Variants in NEGR1 observed in about 807,000 individuals in gnomAD.
NEGR1 encodes neuronal growth regulator 1, also known as IgLON family member 4.
In NEGR1, 10 loss-of-function variants were observed where a neutral mutation model predicts 40.9. The ratio of observed to expected loss-of-function variants is 0.24; its 90% CI spans 0.15 to 0.42. The LOEUF (loss-of-function observed/expected upper bound fraction) is 0.42. NEGR1 is among the 10% of genes least tolerant of loss of function. NEGR1 has a pLI of 1.00. For missense variants in NEGR1, 352 were observed against 438.9 expected (o/e 0.80, Z 1.77); for synonymous variants, 185 against 166.8 (o/e 1.11, Z -0.84).
intron 3 of NEGR1, among the ~76,000 whole-genome samples, chr1:71,734,642 T>G (rs1421342721): frequency 6.6e-6 from 1 of 152,144 alleles, no homozygotes; most frequent in Admixed American, 6.6e-5. Flanking sequence ...ATCTTTCTTT[T>G]TCTCCTTATT....
chr1:72,025,255 A>G (rs755262769), intron 1 of NEGR1, among the ~76,000 whole-genome samples: 2 of 152,152 alleles, frequency 1.3e-5, no homozygotes, highest in Non-Finnish European at 2.9e-5. Context: ...AAAAAATAAT[A>G]TTTCCGAGAA....
At chr1:72,057,811 A>T (rs1362219490) in intron 1 of NEGR1, among the ~76,000 whole-genome samples, 1 of 151,378 alleles carries the variant, frequency 6.6e-6, no homozygotes, top group Non-Finnish European at 1.5e-5. Context: ...CTGTGTTCTC[A>T]CATGGCAGAG....
chr1:71,465,398 G>A (rs1036233019), intron 6 of NEGR1, among the ~76,000 whole-genome samples: 2 of 152,108 alleles, frequency 1.3e-5, no homozygotes, highest in Admixed American at 1.3e-4. Context: ...GCAATCTGCA[G>A]ACAACTTGTT....
intron 1 of NEGR1, among the ~76,000 whole-genome samples, chr1:72,190,831 G>T (rs767280191): frequency 2.6e-5 from 4 of 151,358 alleles, no homozygotes; most frequent in African/African-American, 7.3e-5. Flanking sequence ...AATAATTTTT[G>T]ATATGTATGC....
intron 1 of NEGR1, among the ~76,000 whole-genome samples, chr1:72,114,188 A>T (rs1339610536): frequency 6.6e-6 from 1 of 151,582 alleles, no homozygotes; most frequent in African/African-American, 2.4e-5. Context: ...GATGAGATTA[A>T]CATTTAAATC....
At chr1:71,528,538 C>G (rs181285338) in intron 6 of NEGR1, among the ~76,000 whole-genome samples, 1 of 151,196 alleles carries the variant, frequency 6.6e-6, no homozygotes, top group Admixed American at 6.6e-5. Context: ...TCCTTTTTAA[C>G]AAAATACAGT....
intron 1 of NEGR1, among the ~76,000 whole-genome samples, chr1:72,049,177 T>C (rs1048293376): frequency 6.6e-6 from 1 of 151,058 alleles, no homozygotes; most frequent in Non-Finnish European, 1.5e-5. Context: ...AAATAAATAA[T>C]AATAATGCAA....
intron 4 of NEGR1, among the ~76,000 whole-genome samples, chr1:71,639,872 C>A (rs569835440): frequency 1.3e-5 from 2 of 152,132 alleles, no homozygotes; most frequent in South Asian, 4.1e-4. Context: ...TCAGGACTTA[C>A]AAGGAGAAAA....
At chr1:71,866,127 G>A (rs1297687328) in intron 2 of NEGR1, among the ~76,000 whole-genome samples, 3 of 151,746 alleles carry the variant, frequency 2.0e-5, no homozygotes, top group African/African-American at 7.3e-5. Context: ...TTTACTTAAA[G>A]GAAATAATAA....
intron 1 of NEGR1, among the ~76,000 whole-genome samples, chr1:72,061,832 C>T (rs980345430): frequency 2.6e-5 from 4 of 151,774 alleles, no homozygotes; most frequent in Non-Finnish European, 5.9e-5. Flanking sequence ...AAAGTCACTC[C>T]ATTATGCCAC....
intron 1 of NEGR1, among the ~76,000 whole-genome samples, chr1:72,261,879 C>T (rs550869303): frequency 1.3e-5 from 2 of 151,798 alleles, no homozygotes; most frequent in Admixed American, 1.3e-4. Context: ...AGGGTAGGAC[C>T]AGGTGAGGGA....
chr1:72,255,795 C>T (rs1318854739), intron 1 of NEGR1, among the ~76,000 whole-genome samples: 15 of 152,146 alleles, frequency 9.9e-5, no homozygotes, highest in Non-Finnish European at 1.9e-4. Context: ...GTGATCCACA[C>T]GCCTTGGCCT....
At chr1:71,625,365 G>C (rs944475967) in intron 4 of NEGR1, among the ~76,000 whole-genome samples, 5 of 151,034 alleles carry the variant, frequency 3.3e-5, no homozygotes, top group African/African-American at 1.2e-4. Flanking sequence ...AACCAAAGAG[G>C]GCTTAAAAAT....
At chr1:72,126,818 C>T (rs1214504611) in intron 1 of NEGR1, among the ~76,000 whole-genome samples, 2 of 152,122 alleles carry the variant, frequency 1.3e-5, no homozygotes, top group African/African-American at 2.4e-5. Context: ...TAAGATGATC[C>T]CAAAAGGCCC....
intron 2 of NEGR1, among the ~76,000 whole-genome samples, chr1:71,916,985 G>A (rs1470165174): frequency 1.3e-5 from 2 of 152,172 alleles, no homozygotes; most frequent in African/African-American, 4.8e-5. Context: ...AAAAGAGAAA[G>A]GCAGAGGTCA....
At chr1:71,884,494 C>A (rs1264130395) in intron 2 of NEGR1, among the ~76,000 whole-genome samples, 2 of 152,154 alleles carry the variant, frequency 1.3e-5, no homozygotes, top group Non-Finnish European at 2.9e-5. Flanking sequence ...CCAACAAAAG[C>A]AAATGCACAA....
intron 6 of NEGR1, among the ~76,000 whole-genome samples, chr1:71,532,615 T>C (rs1416388178): frequency 6.6e-6 from 1 of 151,602 alleles, no homozygotes; most frequent in Non-Finnish European, 1.5e-5. Context: ...GCAACTATTC[T>C]ACAACGTGAC....
At chr1:72,018,001 T>C (rs1646726802) in intron 1 of NEGR1, among the ~76,000 whole-genome samples, 1 of 152,176 alleles carries the variant, frequency 6.6e-6, no homozygotes. Flanking sequence ...GATATTTATA[T>C]ATTTATTTCA....
chr1:72,128,730 G>A (rs926594282), intron 1 of NEGR1, among the ~76,000 whole-genome samples: 1 of 151,868 alleles, frequency 6.6e-6, no homozygotes, highest in Non-Finnish European at 1.5e-5. Flanking sequence ...CAAATATTTG[G>A]GTGCCCAATA....
Sources: allele counts gnomAD v4.1 joint callset (sites outside exome capture counted in the v4.1 genomes callset), GRCh38; gene constraint gnomAD v4.1.1; transcripts MANE v1.5; gene names NCBI Gene and HGNC (gene_info 2026-07-23, HGNC 2026-07-21).